The following ZFP90 variants were observed in gnomAD, a reference collection of about 807,000 sequenced individuals.
ZFP90 encodes the protein ZFP90 zinc finger protein.
A neutral mutation model predicts 60.8 loss-of-function variants in ZFP90; 38 were observed. That is an observed-to-expected ratio of 0.62 (90% CI 0.48 to 0.82). The LOEUF (loss-of-function observed/expected upper bound fraction) is 0.82. Ranked by LOEUF, ZFP90 falls within the 40% of genes least tolerant of loss-of-function variation. The pLI is 0.00. For missense variants in ZFP90, 711 were observed against 759.1 expected (o/e 0.94, Z 0.74); for synonymous variants, 287 against 264.8 (o/e 1.08, Z -0.82).
chr16:68,573,079 A>C (rs965906968), intron 2 of ZFP90, among the ~76,000 whole-genome samples: 1 of 152,220 alleles, frequency 6.6e-6, no homozygotes, highest in African/African-American at 2.4e-5. Flanking sequence ...CTGAGAATGA[A>C]GGGGAAGCTA....
chr16:68,565,203 C>T lies in ZFP90; in HGVS notation c.*505C>T, dbSNP rs1033881095. 1.0e-6 allele frequency: 1 copy of T among 986,422 alleles called. No homozygotes were observed. The highest frequency in any genetic ancestry group is 1.2e-6 in the Non-Finnish European group (1 of 830,496). 61.1% of individuals were successfully genotyped at this position (986,422 alleles called of 1,614,324 possible). The stretch of plus-strand genomic sequence containing the variant: ...AACCACTTCATTGTACAGATGAAGA[C>T]TGAAAGCCAAAGATGTGAAGTGGTT... On this transcript the variant is annotated 3_prime_UTR_variant, in exon 5 of 5. Coordinates refer to ENST00000563169, the MANE Select transcript of ZFP90 (RefSeq NM_001305203.2).
intron 4 of ZFP90, among the ~76,000 whole-genome samples, chr16:68,561,071 T>C (rs2091433500): frequency 6.6e-6 from 1 of 151,980 alleles, no homozygotes; most frequent in African/African-American, 2.4e-5. Context: ...ATTTTTTGTA[T>C]TTTAATAGAG....
At chr16:68,556,789 G>C (rs2091351285) in intron 2 of ZFP90, among the ~76,000 whole-genome samples, 1 of 152,172 alleles carries the variant, frequency 6.6e-6, no homozygotes, top group Non-Finnish European at 1.5e-5. Context: ...AACACAAAAT[G>C]CGATGGATAG....
In ZFP90 at chr16:68,564,502, A is replaced by G. The variant is rs1286930616; in HGVS notation, c.1715A>G (p.Glu572Gly). The part of the protein sequence containing the change: ...FSQSSSLIQH[E>G]RTHTGEKPYE... ...CAAAGTTCATCTCTCATTCAGCATG[A>G]GAGAACTCATACTGGAGAGAAGCCC... Residue 572 changes from glutamate to glycine, a missense_variant, in exon 5 of 5, where the codon GAG (glutamate) becomes GGG (glycine). Glu to Gly is a moderately conservative substitution (Grantham distance 98, BLOSUM62 -2). Transcript: ENST00000563169. 6.2e-7 allele frequency: 1 copy of G among 1,614,130 alleles called. No homozygotes were observed. The highest frequency in any genetic ancestry group is 1.7e-5 in the Admixed American group (1 of 60,030).
chr16:68,540,864 C>T (rs1286622868), intron 2 of ZFP90, among the ~76,000 whole-genome samples: 2 of 145,498 alleles, frequency 1.4e-5, no homozygotes, highest in African/African-American at 5.0e-5. Flanking sequence ...TAGTAATGTC[C>T]TTTAAAAGAG....
chr16:68,554,761 G>T (rs2091317605), intron 2 of ZFP90, among the ~76,000 whole-genome samples: 1 of 152,004 alleles, frequency 6.6e-6, no homozygotes, highest in African/African-American at 2.4e-5. Flanking sequence ...AGACCAGCCT[G>T]GGCAACATAG....
chr16:68,544,944 A>C (rs1487552601), intron 2 of ZFP90, among the ~76,000 whole-genome samples: 1 of 134,096 alleles, frequency 7.5e-6, no homozygotes, highest in East Asian at 2.2e-4. Context: ...CAGTGGCGTG[A>C]TTTCGGCTCA....
intron 2 of ZFP90, chr16:68,533,948 C>T (rs2090943588): frequency 6.6e-6 from 1 of 152,136 alleles, no homozygotes; most frequent in African/African-American, 2.4e-5. Context: ...TATTTTTATT[C>T]ATCTGGCTTG....
At chr16:68,534,182 C>T (rs1414440219) in intron 2 of ZFP90, among the ~76,000 whole-genome samples, 1 of 148,082 alleles carries the variant, frequency 6.8e-6, no homozygotes, top group East Asian at 2.0e-4. Flanking sequence ...TGTGTCTAAT[C>T]TATTATTAAC....
rs527394870 is a variant in ZFP90 at position 68,539,753 on chromosome 16, C to G, written c.-35-5C>G. On this transcript the variant is annotated splice_polypyrimidine_tract_variant and splice_region_variant and intron_variant, in intron 1 of 4. Coordinates refer to ENST00000563169, the MANE Select transcript of ZFP90 (RefSeq NM_001305203.2). ...GGGTGAGTGGGCCCTGTCCTTTCTC[C>G]CCAGCTCCTGCCCCGGAGCCGGGCC... is the stretch of plus-strand genomic sequence containing the variant. The G allele has an allele frequency of 6.4e-7, 1 of 1,555,780 alleles. No homozygotes were observed. Among genetic ancestry groups the G allele is most frequent in the East Asian group, 2.4e-5 (1 of 42,430 alleles).
chr16:68,558,618 A>C (rs750312338), intron 4 of ZFP90, 50 bp downstream of exon 4: 2 of 1,531,674 alleles, frequency 1.3e-6, no homozygotes, highest in South Asian at 2.3e-5. Context: ...TAATGGCACA[A>C]CTTAGGGAGG....
Position 68,546,362 on chromosome 16 carries a change from ATTC to A in ZFP90, c.33+6541_33+6543del, listed in dbSNP as rs10548814. On this transcript the variant is annotated intron_variant, in intron 2 of 4. Transcript: ENST00000563169. ...GCCATCACCACTACCCATCTTCAAA[ATTC>A]TTCATCTTGTAAAACTGAAAACTCT... 3.8e-3 allele frequency among the ~76,000 whole-genome samples: 574 copies of A among 152,296 alleles called. 3 individuals are homozygous for A. Among genetic ancestry groups the A allele is most frequent in the African/African-American group, 0.013 (546 of 41,550 alleles).
rs755402521 is a variant in ZFP90, at chr16:68,539,808, C to T, written c.16C>T (p.Pro6Ser). The change falls in exon 2 of 5, where the codon CCG becomes TCG. Residue 6 changes from proline (P) to serine (S), a missense_variant. Physicochemically the swap from Pro to Ser is moderately conservative, Grantham distance 74. This residue lies in a region of ZFP90 where 27 missense variants were observed against 17.9 expected (regional missense o/e 1.50). Coordinates refer to ENST00000563169, the MANE Select transcript of ZFP90 (RefSeq NM_001305203.2). MAPRP[P>S]TAAPQESVTF... ...CGAGGCAGGAATGGCCCCGAGGCCTCCGACCGCCGCGCCCCAGGTGAGCAA... is the reference window on the plus strand; with the variant it reads ...CGAGGCAGGAATGGCCCCGAGGCCTTCGACCGCCGCGCCCCAGGTGAGCAA... 6.2e-6 allele frequency: 10 copies of T among 1,604,498 alleles called. No individual in the cohort carries two copies. Among genetic ancestry groups the T allele is most frequent in the Non-Finnish European group, 7.6e-6 (9 of 1,177,214 alleles).
upstream of ZFP90, among the ~76,000 whole-genome samples, chr16:68,537,688 C>T (rs1441855608): frequency 6.6e-6 from 1 of 152,150 alleles, no homozygotes; most frequent in East Asian, 1.9e-4. Context: ...ACCTCAGCCT[C>T]CCAAGTAGCT....
intron 4 of ZFP90, among the ~76,000 whole-genome samples, chr16:68,560,000 T>C (rs1440123113): frequency 1.3e-5 from 2 of 152,178 alleles, no homozygotes; most frequent in African/African-American, 4.8e-5. Flanking sequence ...TCCCAAAGTG[T>C]TGGGATTACA....
At chr16:68,535,757 T>C (rs2090956024), upstream of ZFP90, 1 of 152,108 alleles carries the variant, frequency 6.6e-6, no homozygotes, top group South Asian at 2.1e-4. Flanking sequence ...TACTACTCTC[T>C]AAGTTTATTC....
At chr16:68,562,019 T>C (rs753221051) in intron 4 of ZFP90, 7 of 152,264 alleles carry the variant, frequency 4.6e-5, no homozygotes, top group Non-Finnish European at 8.8e-5. Context: ...TTATTTGCTT[T>C]ATCATGTATT....
intron 2 of ZFP90, among the ~76,000 whole-genome samples, chr16:68,555,897 A>G (rs1018036361): frequency 1.3e-5 from 2 of 152,210 alleles, no homozygotes; most frequent in African/African-American, 4.8e-5. Flanking sequence ...GAATAAGCTG[A>G]AGCCTCTGTG....
intron 2 of ZFP90, among the ~76,000 whole-genome samples, chr16:68,543,205 G>A (rs2091083656): frequency 6.6e-6 from 1 of 152,188 alleles, no homozygotes; most frequent in African/African-American, 2.4e-5. Flanking sequence ...TATGTCTGGT[G>A]TATTCAAGGA....
Sources: gnomAD v4.1 joint callset for allele counts (sites outside exome capture counted in the v4.1 genomes callset) on GRCh38, gnomAD v4.1.1 for gene constraint, gnomAD v4.1.1 regional missense constraint, MANE v1.5 for transcripts, NCBI Gene and HGNC (gene_info 2026-07-23, HGNC 2026-07-21) for gene names.